Variants in GABRB2 observed in about 807,000 individuals in gnomAD.
The protein encoded by GABRB2 is gamma-aminobutyric acid receptor subunit beta-2.
A neutral mutation model predicts 54.7 loss-of-function variants in GABRB2; 16 were observed. The observed-to-expected ratio is 0.29, with a 90% CI of 0.20 to 0.44. The LOEUF is 0.44. Ranked by LOEUF, GABRB2 falls within the 20% of genes least tolerant of loss-of-function variation. The pLI is 1.00. For missense variants in GABRB2, 355 were observed against 644.0 expected (o/e 0.55, Z 4.86); for synonymous variants, 244 against 233.8 (o/e 1.04, Z -0.40).
chr5:161,495,830 A>G (rs1489535999), intron 3 of GABRB2, among the ~76,000 whole-genome samples: 8 of 152,122 alleles, frequency 5.3e-5, no homozygotes, highest in Non-Finnish European at 7.4e-5. Flanking sequence ...CCCTATCCTT[A>G]TATCTTCTAT....
At chr5:161,492,033 A>G (rs2113354572) in intron 3 of GABRB2, among the ~76,000 whole-genome samples, 1 of 151,688 alleles carries the variant, frequency 6.6e-6, no homozygotes, top group African/African-American at 2.4e-5. Context: ...TAATGTACCC[A>G]TTACTGAAAA....
At position 161,501,266 on chromosome 5, in the gene GABRB2, T is replaced by C. The variant is rs991490498; in HGVS notation, c.238-41422A>G. Among the ~76,000 whole-genome samples the C allele has an allele frequency of 3.1e-4, 47 of 151,602 alleles. 1 individual carries two copies. ...TCTAAAAGAAGTCTGAACTTCTTTT[T>C]AAAAAATATGCTTTGTGACAAGTCT... On this transcript the variant is annotated intron_variant, in intron 3 of 9. Transcript: ENST00000393959.
At chr5:161,444,660 T>G (rs1421050425) in intron 4 of GABRB2, among the ~76,000 whole-genome samples, 1 of 152,172 alleles carries the variant, frequency 6.6e-6, no homozygotes, top group East Asian at 1.9e-4. Flanking sequence ...TAAAATGTCT[T>G]CTTATCAGCT....
intron 9 of GABRB2, among the ~76,000 whole-genome samples, chr5:161,323,705 C>A (rs922634849): frequency 6.6e-6 from 1 of 152,164 alleles, no homozygotes; most frequent in African/African-American, 2.4e-5. Flanking sequence ...TCTTCTCCAG[C>A]ACTTATCACA....
At chr5:161,357,539 A>T (rs1388944159) in intron 5 of GABRB2, among the ~76,000 whole-genome samples, 1 of 150,258 alleles carries the variant, frequency 6.7e-6, no homozygotes, top group Non-Finnish European at 1.5e-5. Context: ...AAAAAATGAT[A>T]TGATCTGGCC....
chr5:161,422,091 C>G (rs1017468373), intron 4 of GABRB2, among the ~76,000 whole-genome samples: 1 of 152,048 alleles, frequency 6.6e-6, no homozygotes, highest in African/African-American at 2.4e-5. Flanking sequence ...TTGGCACAAA[C>G]TTTCTGGAGG....
At chr5:161,304,170 A>T (rs1266661472) in intron 9 of GABRB2, among the ~76,000 whole-genome samples, 1 of 152,240 alleles carries the variant, frequency 6.6e-6, no homozygotes, top group Non-Finnish European at 1.5e-5. Flanking sequence ...AATGAACTAG[A>T]CTAAAACACA....
chr5:161,544,195 CTTTA>C (rs1461583719), intron 3 of GABRB2, among the ~76,000 whole-genome samples: 1 of 152,168 alleles, frequency 6.6e-6, no homozygotes, highest in African/African-American at 2.4e-5. Flanking sequence ...TACTATACCC[CTTTA>C]TTTAATAATT....
chr5:161,367,888 T>A (rs546765579), intron 5 of GABRB2, among the ~76,000 whole-genome samples: 1 of 152,126 alleles, frequency 6.6e-6, no homozygotes, highest in Non-Finnish European at 1.5e-5. Flanking sequence ...GGCATTCTAA[T>A]GGGAGATTTT....
chr5:161,543,034 A>G (rs868424024), intron 3 of GABRB2, among the ~76,000 whole-genome samples: 11 of 152,256 alleles, frequency 7.2e-5, no homozygotes, highest in African/African-American at 2.7e-4. Flanking sequence ...TTAATTTTTC[A>G]ACAAGTGACA....
intron 4 of GABRB2, among the ~76,000 whole-genome samples, chr5:161,438,530 T>C (rs1204275854): frequency 6.6e-6 from 1 of 152,048 alleles, no homozygotes; most frequent in Non-Finnish European, 1.5e-5. Flanking sequence ...CAGGAAAACA[T>C]GACCTCACCA....
Position 161,366,355 on chromosome 5 carries a change from A to C in GABRB2, c.542-29586T>G, listed in dbSNP as rs560909682. Among the ~76,000 whole-genome samples the C allele has an allele frequency of 3.3e-5, 5 of 152,238 alleles. No individual in the cohort carries two copies. In the East Asian group the frequency reaches 9.7e-4, roughly 29 times the overall value. ...GGGTTTCTATGTTTCCATTGCTCTT[A>C]GCCATGAAATAGACAAGTGATTGTT... On this transcript the variant is annotated intron_variant, in intron 5 of 9. Coordinates refer to ENST00000393959, the MANE Select transcript of GABRB2 (RefSeq NM_001371727.1).
intron 9 of GABRB2, among the ~76,000 whole-genome samples, chr5:161,325,953 A>G (rs1205930549): frequency 6.6e-6 from 1 of 152,148 alleles, no homozygotes; most frequent in Non-Finnish European, 1.5e-5. Context: ...AGTAATGTAG[A>G]CAAATTTCTG....
chr5:161,329,790 C>A (rs1375953236), intron 8 of GABRB2: 1 of 152,120 alleles, frequency 6.6e-6, no homozygotes, highest in Non-Finnish European at 1.5e-5. Context: ...ACTTCATAAA[C>A]AGTATTTAGG....
At chr5:161,539,626 T>TA (rs1465124304) in intron 3 of GABRB2, among the ~76,000 whole-genome samples, 2 of 152,308 alleles carry the variant, frequency 1.3e-5, no homozygotes, top group East Asian at 3.9e-4. Context: ...CAAGCACACT[T>TA]AAGACAGCAG....
At chr5:161,376,400 CA>C (rs1755298552) in intron 5 of GABRB2, among the ~76,000 whole-genome samples, 1 of 151,932 alleles carries the variant, frequency 6.6e-6, no homozygotes, top group Non-Finnish European at 1.5e-5. Context: ...AAGACCTGAC[CA>C]AATGCATAGA....
chr5:161,499,325 A>T (rs1759356661), intron 3 of GABRB2, among the ~76,000 whole-genome samples: 1 of 152,186 alleles, frequency 6.6e-6, no homozygotes, highest in Non-Finnish European at 1.5e-5. Context: ...TAAGTAGCAA[A>T]CATGGGAACA....
At chr5:161,497,747 C>A (rs755484345) in intron 3 of GABRB2, among the ~76,000 whole-genome samples, 3 of 152,102 alleles carry the variant, frequency 2.0e-5, no homozygotes, top group African/African-American at 7.2e-5. Flanking sequence ...AAGCTAAGTT[C>A]TATTACAGCC....
At chr5:161,478,792 T>C (rs915756500) in intron 3 of GABRB2, among the ~76,000 whole-genome samples, 2 of 152,000 alleles carry the variant, frequency 1.3e-5, no homozygotes, top group African/African-American at 2.4e-5. Context: ...ACTATTTTAT[T>C]TTTTCCTTCA....
Sources: allele counts gnomAD v4.1 joint callset (sites outside exome capture counted in the v4.1 genomes callset), GRCh38; gene constraint gnomAD v4.1.1; transcripts MANE v1.5; gene names NCBI Gene and HGNC (gene_info 2026-07-23, HGNC 2026-07-21).